TRMO: variants seen among roughly 807,000 people sequenced by gnomAD.
The protein encoded by TRMO is tRNA methyltransferase O.
In TRMO, 30 loss-of-function variants were observed where a neutral mutation model predicts 37.2. The observed-to-expected ratio is 0.81, with a 90% confidence interval of 0.60 to 1.09. The LOEUF is 1.09. TRMO is among the 50% of genes least tolerant of loss of function. The probability of loss-of-function intolerance (pLI) is 0.00; values close to 1 mark genes in which losing one functional copy is unlikely to be tolerated. For missense variants in TRMO, 552 were observed against 549.5 expected, an observed-to-expected ratio of 1.00 and a Z score of -0.05; for synonymous variants, 239 against 199.4, an observed-to-expected ratio of 1.20 and a Z score of -1.67.
Position 97,907,022 on chromosome 9 carries a change from G to A in TRMO, c.1067-2030C>T, listed in dbSNP as rs116807605. Among the ~76,000 whole-genome samples, 415 of 152,248 alleles carry A rather than the reference G, an allele frequency of 2.7e-3. 2 individuals carry two copies. Among genetic ancestry groups the A allele is most frequent in the African/African-American group, 9.6e-3 (397 of 41,554 alleles). ...ACTGACCAGCCTCCTCCCATCAACT[G>A]TATACAGTGATGTAATGATTTCTAT... On this transcript the variant is annotated intron_variant, in intron 4 of 4. Transcript: ENST00000375119.
chr9:97,922,463 G>A lies in TRMO; in HGVS notation c.31C>T (p.Pro11Ser). 1.3e-6 allele frequency: 2 copies of A among 1,588,070 alleles called. No homozygotes were observed. Among genetic ancestry groups the A allele is most frequent in the Non-Finnish European group, 1.7e-6 (2 of 1,168,428 alleles). Residue 11 changes from proline (P) to serine (S), a missense_variant, in exon 1 of 5, where the codon CCT becomes TCT. Pro to Ser is a moderately conservative substitution (Grantham distance 74). Coordinates refer to ENST00000375119, the MANE Select transcript of TRMO (RefSeq NM_016481.5). MRGLEESGPR[P>S]TATPCGCVKP... ...ACGCAGCCGCACGGGGTCGCTGTAG[G>A]CCGAGGCCCCGACTCCTCCAAGCCG...
intron 1 of TRMO, among the ~76,000 whole-genome samples, chr9:97,918,161 A>T (rs986820268): frequency 6.6e-6 from 1 of 150,422 alleles, no homozygotes; most frequent in Admixed American, 6.6e-5. Flanking sequence ...TGGGCAGATC[A>T]CCTGAGGTCA....
the TRMO span, among the ~76,000 whole-genome samples, chr9:97,899,042 G>A: frequency 2.8e-4 from 43 of 151,634 alleles, no homozygotes; most frequent in African/African-American, 9.0e-4. Flanking sequence ...GTTTCACCAC[G>A]TTAGCCAGGA....
chr9:97,922,298 A>G, intron 1 of TRMO, 120 bp downstream of exon 1: 2 of 694,192 alleles, frequency 2.9e-6, no homozygotes, highest in Non-Finnish European at 4.9e-6. Flanking sequence ...CCTTCGCCGT[A>G]GGTAAAAGAA....
chr9:97,905,284 C>G (rs1303306597), intron 4 of TRMO, among the ~76,000 whole-genome samples: 1 of 152,204 alleles, frequency 6.6e-6, no homozygotes, highest in Non-Finnish European at 1.5e-5. Flanking sequence ...CAAGATGTCA[C>G]TTTTCTGATA....
chr9:97,902,155 C>T (rs1380407465), downstream of TRMO, among the ~76,000 whole-genome samples: 3 of 152,312 alleles, frequency 2.0e-5, no homozygotes, highest in African/African-American at 7.2e-5. Context: ...TAATAATGAG[C>T]ACTGCCCATA....
chr9:97,905,026 A>G (rs772925943), intron 4 of TRMO, 34 bp from the exon 5 acceptor site: 25 of 1,597,850 alleles, frequency 1.6e-5, no homozygotes, highest in African/African-American at 4.0e-5. Flanking sequence ...AATGAGCACT[A>G]TCATGCAGGT....
chr9:97,913,271 A>G (rs1409666824), intron 3 of TRMO, 130 bp downstream of exon 3: 1 of 974,590 alleles, frequency 1.0e-6, no homozygotes, highest in Non-Finnish European at 1.6e-6. Context: ...ATTTTCTTCA[A>G]TGTCTGGTGG....
intron 4 of TRMO, among the ~76,000 whole-genome samples, chr9:97,907,380 C>T (rs1309656087): frequency 2.0e-5 from 3 of 152,220 alleles, no homozygotes; most frequent in Non-Finnish European, 4.4e-5. Context: ...TGGCATGTAT[C>T]TCCAGTCCCA....
chr9:97,910,133 A>G lies in TRMO; in HGVS notation c.893T>C (p.Leu298Ser), dbSNP rs755515137. 1.1e-5 allele frequency: 18 copies of G among 1,614,118 alleles called. No individual in the cohort carries two copies. Among genetic ancestry groups the G allele is most frequent in the Non-Finnish European group, 1.4e-5 (16 of 1,180,004 alleles). Reference protein sequence around the residue: ...KLERVEGAAVLQGSRAETQPM... With the variant: ...KLERVEGAAVSQGSRAETQPM... ...CTGTGTCTCTGCCCTGCTTCCTTGC[A>G]AGACTGCTGCTCCTTCCACTCTTTC... Residue 298 changes from leucine (L) to serine (S), a missense_variant, in exon 4 of 5, where the codon TTG (leucine) becomes TCG (serine). By Grantham distance (145) the Leu-to-Ser change is moderately radical. Coordinates refer to ENST00000375119, the MANE Select transcript of TRMO (RefSeq NM_016481.5).
intron 4 of TRMO, 108 bp downstream of exon 4, chr9:97,909,852 C>A: frequency 2.6e-6 from 2 of 781,014 alleles, no homozygotes; most frequent in Non-Finnish European, 4.1e-6. Flanking sequence ...TCCTAAAAAC[C>A]AGTCATACTG....
At chr9:97,908,639 T>A (rs1238169204) in intron 4 of TRMO, among the ~76,000 whole-genome samples, 1 of 152,136 alleles carries the variant, frequency 6.6e-6, no homozygotes, top group Non-Finnish European at 1.5e-5. Flanking sequence ...TATTCTTAAA[T>A]TTTTCAGTAA....
intron 1 of TRMO, 93 bp downstream of exon 1, chr9:97,922,325 C>A: frequency 1.1e-5 from 9 of 833,510 alleles, no homozygotes; most frequent in Non-Finnish European, 1.8e-5. Flanking sequence ...ACGTCAGTTC[C>A]AGATCGTGCG....
chr9:97,897,913 G>A, the TRMO span, among the ~76,000 whole-genome samples: 1 of 152,084 alleles, frequency 6.6e-6, no homozygotes, highest in African/African-American at 2.4e-5. Flanking sequence ...CTGGAGGACA[G>A]TGGCATGATC....
At chr9:97,900,326 G>A (rs756617282), downstream of TRMO, among the ~76,000 whole-genome samples, 6 of 152,234 alleles carry the variant, frequency 3.9e-5, no homozygotes, top group Non-Finnish European at 8.8e-5. Context: ...CTGAGGTCAC[G>A]AGCTAGCCCA....
intron 1 of TRMO, among the ~76,000 whole-genome samples, chr9:97,919,976 T>G (rs1053137310): frequency 6.6e-6 from 1 of 152,196 alleles, no homozygotes; most frequent in Non-Finnish European, 1.5e-5. Flanking sequence ...GTCTGAACTC[T>G]TCTGGGACAT....
In TRMO at chr9:97,910,564, T is replaced by C; in HGVS notation, c.462A>G (p.Leu154=). The C allele has an allele frequency of 6.2e-7, 1 of 1,614,122 alleles. No homozygotes were observed. Among genetic ancestry groups the C allele is most frequent in the Non-Finnish European group, 8.5e-7 (1 of 1,179,950 alleles). Residue 154 remains leucine, a synonymous_variant, in exon 4 of 5, where the codon CTA becomes CTG. Transcript: ENST00000375119. The part of the protein sequence containing the change: ...GIDMIHGTPV[L]DIKPYIAEYD... Reference sequence around the variant, plus strand: ...ACTCAGCTATGTAGGGCTTGATGTCTAGTACGGGTGTGCCATGTATCATGT... The same window carrying C: ...ACTCAGCTATGTAGGGCTTGATGTCCAGTACGGGTGTGCCATGTATCATGT...
rs1320984995 is a variant in TRMO, at chr9:97,922,452, G to A, written c.42C>T (p.Thr14=). 4 of 1,588,160 alleles carry A rather than the reference G, an allele frequency of 2.5e-6. No individual in the cohort carries two copies. The highest frequency in any genetic ancestry group is 1.1e-5 in the South Asian group (1 of 87,370). Residue 14 remains threonine (T), a synonymous_variant, in exon 1 of 5, where the codon ACC becomes ACT. Transcript: ENST00000375119. ...GAGCCGGCTTAACGCAGCCGCACGGGGTCGCTGTAGGCCGAGGCCCCGACT... is the reference window on the plus strand; with the variant it reads ...GAGCCGGCTTAACGCAGCCGCACGGAGTCGCTGTAGGCCGAGGCCCCGACT... ...LEESGPRPTA[T]PCGCVKPALE...
intron 1 of TRMO, among the ~76,000 whole-genome samples, chr9:97,920,983 C>A (rs940399643): frequency 6.6e-6 from 1 of 152,262 alleles, no homozygotes; most frequent in Non-Finnish European, 1.5e-5. Flanking sequence ...CTTTAGACTT[C>A]TAGCTCCCCA....
Sources: allele counts gnomAD v4.1 joint callset (sites outside exome capture counted in the v4.1 genomes callset), GRCh38; gene constraint gnomAD v4.1.1; transcripts MANE v1.5; gene names NCBI Gene and HGNC (gene_info 2026-07-23, HGNC 2026-07-21).